The following MPRIP variants were observed in gnomAD, a reference collection of about 807,000 sequenced individuals.
The protein encoded by MPRIP is myosin phosphatase Rho interacting protein, also known as myosin phosphatase Rho-interacting protein.
MPRIP carries 59 observed loss-of-function variants against 234.9 expected under a neutral mutation model. That is an observed-to-expected ratio of 0.25 (90% CI 0.20 to 0.31). The LOEUF is 0.31. Ranked by LOEUF, MPRIP falls within the 10% of genes least tolerant of loss-of-function variation. The pLI, the probability that MPRIP is intolerant of heterozygous loss-of-function variation, is 1.00. For missense variants in MPRIP, 2,436 were observed against 3,071.0 expected (o/e 0.79, Z 4.89); for synonymous variants, 1,144 against 1,263.9 (o/e 0.91, Z 2.01).
rs8066944 is a variant in MPRIP at position 17,159,495 on chromosome 17, G to A, written c.2400+493G>A. ...ATGACAGCTGGGTCCTAGGTCATGAGGATATGAAGCAGAAGACAGTGGTGA... is the reference window on the plus strand; with the variant it reads ...ATGACAGCTGGGTCCTAGGTCATGAAGATATGAAGCAGAAGACAGTGGTGA... On this transcript the variant is annotated intron_variant, in intron 14 of 23. Transcript: ENST00000651222. 1.8e-3 allele frequency among the ~76,000 whole-genome samples: 268 copies of A among 152,340 alleles called. 1 individual carries two copies. Among genetic ancestry groups the A allele is most frequent in the African/African-American group, 6.1e-3 (254 of 41,558 alleles).
At chr17:17,058,604 T>C (rs1349021313) in intron 1 of MPRIP, among the ~76,000 whole-genome samples, 9 of 152,094 alleles carry the variant, frequency 5.9e-5, no homozygotes, top group African/African-American at 2.2e-4. Context: ...GAGAAACAGG[T>C]GTTGCCTCTG....
chr17:17,159,985 A>C (rs1262672595), intron 14 of MPRIP, among the ~76,000 whole-genome samples: 1 of 152,238 alleles, frequency 6.6e-6, no homozygotes, highest in Non-Finnish European at 1.5e-5. Flanking sequence ...ATAACAGTTG[A>C]AACTCACATT....
At position 17,167,351 on chromosome 17, in the gene MPRIP, C is replaced by T. The variant is rs1444721985; in HGVS notation, c.5760C>T (p.Ala1920=). 9.2e-6 allele frequency: 12 copies of T among 1,304,116 alleles called. No homozygotes were observed. The highest frequency in any genetic ancestry group is 1.5e-5 in the African/African-American group (1 of 65,940). 80.8% of individuals were successfully genotyped at this position (1,304,116 alleles called of 1,614,324 possible). The change falls in exon 16 of 24, where the codon GCC becomes GCT. Residue 1920 remains alanine (A), a synonymous_variant. Transcript: ENST00000651222. This position sits in a 1 kb window ranked among gnomAD's most constrained non-coding sequence, Gnocchi z 5.9. ...ERENAELKAK[A]AQLDHQQQCL... The stretch of plus-strand genomic sequence containing the variant: ...AGAATGCAGAGCTCAAGGCCAAGGC[C>T]GCCCAGCTAGACCATCAGCAGCAGT...
At chr17:17,109,085 G>A (rs560185654) in intron 3 of MPRIP, among the ~76,000 whole-genome samples, 80 of 152,246 alleles carry the variant, frequency 5.3e-4, no homozygotes, top group Non-Finnish European at 9.7e-4. Context: ...CCTTACCCTC[G>A]CCACTTTGTT....
chr17:17,185,563 C>G lies in MPRIP; in HGVS notation c.*669C>G, dbSNP rs1372240946. The G allele has an allele frequency of 4.4e-6, 2 of 455,254 alleles. No individual in the cohort carries two copies. The highest frequency in any genetic ancestry group is 4.7e-5 in the Admixed American group (2 of 42,376). 28.2% of individuals were successfully genotyped at this position (455,254 alleles called of 1,614,324 possible). A position where few individuals can be genotyped will look rare whatever the true frequency, so the allele number is the denominator to read the frequency against. On this transcript the variant is annotated 3_prime_UTR_variant, in exon 24 of 24. Coordinates refer to ENST00000651222, the MANE Select transcript of MPRIP (RefSeq NM_001364716.4). ...TTTTTATTAAATCTTGCACAAAATC[C>G]CCGGCCCCTCTCCTTCCTTCCTTCC...
At chr17:17,135,374 C>T (rs1290055434) in intron 5 of MPRIP, among the ~76,000 whole-genome samples, 1 of 152,172 alleles carries the variant, frequency 6.6e-6, no homozygotes. Context: ...TGTGTGTGAG[C>T]TTGTGAGTGT....
intron 3 of MPRIP, among the ~76,000 whole-genome samples, chr17:17,081,242 T>G (rs2089455455): frequency 6.6e-6 from 1 of 152,210 alleles, no homozygotes; most frequent in Non-Finnish European, 1.5e-5. Flanking sequence ...TAGACTGACT[T>G]CTTGTTGTTG....
intron 1 of MPRIP, among the ~76,000 whole-genome samples, chr17:17,075,003 TA>T (rs1022703010): frequency 2.0e-5 from 3 of 152,204 alleles, no homozygotes; most frequent in Admixed American, 6.5e-5. Context: ...TGTGTATACA[TA>T]GGGGTGAAAT....
intron 1 of MPRIP, among the ~76,000 whole-genome samples, chr17:17,063,691 G>A (rs1249781261): frequency 6.6e-6 from 1 of 152,208 alleles, no homozygotes; most frequent in African/African-American, 2.4e-5. Flanking sequence ...CAGGAAACCT[G>A]GGTTAACCAC....
At chr17:17,159,102 A>T in intron 14 of MPRIP, 100 bp downstream of exon 14, 1 of 1,260,400 alleles carries the variant, frequency 7.9e-7, no homozygotes, top group Non-Finnish European at 1.1e-6. Flanking sequence ...AGACAGTCCT[A>T]CCCGCGAGGG....
chr17:17,143,728 G>A, intron 9 of MPRIP, 59 bp downstream of exon 9: 10 of 1,195,520 alleles, frequency 8.4e-6, no homozygotes, highest in Non-Finnish European at 1.2e-5. Context: ...GTCACTCTGA[G>A]GCGCTGTCTG....
chr17:17,149,511 C>T (rs911179890), intron 11 of MPRIP, among the ~76,000 whole-genome samples: 5 of 151,704 alleles, frequency 3.3e-5, no homozygotes, highest in Admixed American at 2.6e-4. Flanking sequence ...AAAAAACTTC[C>T]GTATTGAACA....
chr17:17,117,480 G>T (rs868226028), intron 3 of MPRIP, among the ~76,000 whole-genome samples: 1 of 152,192 alleles, frequency 6.6e-6, no homozygotes, highest in Non-Finnish European at 1.5e-5. Flanking sequence ...TTTGTGACTG[G>T]CTTCATTCAC....
rs1047116019 is a variant in MPRIP at position 17,192,286 on chromosome 17, A to G, written c.*7392A>G. 16 of 152,096 alleles carry G rather than the reference A, an allele frequency of 1.1e-4. No homozygotes were observed. The highest frequency in any genetic ancestry group is 2.1e-4 in the Non-Finnish European group (14 of 68,018). The allele number at this position is 152,096 out of a possible 1,614,324, so 9.4% of individuals were successfully genotyped here. A position where few individuals can be genotyped will look rare whatever the true frequency, so the allele number is the denominator to read the frequency against. Reference sequence around the variant, plus strand: ...ACAGACTAAAAGCTGTGTGCAGAAGAAAGGGCTGAATGAGTACCGCCTCCC... The same window carrying G: ...ACAGACTAAAAGCTGTGTGCAGAAGGAAGGGCTGAATGAGTACCGCCTCCC... On this transcript the variant is annotated 3_prime_UTR_variant, in exon 24 of 24. Coordinates refer to ENST00000651222, the MANE Select transcript of MPRIP (RefSeq NM_001364716.4).
intron 3 of MPRIP, among the ~76,000 whole-genome samples, chr17:17,096,359 A>G (rs2089846028): frequency 6.6e-6 from 1 of 150,448 alleles, no homozygotes; most frequent in Non-Finnish European, 1.5e-5. Context: ...GTCAATGCAC[A>G]TGCCTGCCAG....
At chr17:17,171,023 TAAGA>T (rs1293607075) in intron 16 of MPRIP, 3 of 151,888 alleles carry the variant, frequency 2.0e-5, no homozygotes, top group Non-Finnish European at 4.4e-5. Flanking sequence ...AAGAAAAGAG[TAAGA>T]AAGAAGACAC....
At chr17:17,122,056 C>T (rs1386104861) in intron 3 of MPRIP, among the ~76,000 whole-genome samples, 1 of 152,134 alleles carries the variant, frequency 6.6e-6, no homozygotes, top group Non-Finnish European at 1.5e-5. Context: ...TTTCTCTGGT[C>T]TGTATCATTG....
At chr17:17,114,698 C>T (rs1438214706) in intron 3 of MPRIP, among the ~76,000 whole-genome samples, 1 of 101,426 alleles carries the variant, frequency 9.9e-6, no homozygotes, top group Non-Finnish European at 2.2e-5. Flanking sequence ...ACCTTCTTCC[C>T]ATCTACCCCC....
At chr17:17,173,112 G>A (rs940348302) in intron 18 of MPRIP, among the ~76,000 whole-genome samples, 10 of 152,358 alleles carry the variant, frequency 6.6e-5, no homozygotes, top group Admixed American at 4.6e-4. Flanking sequence ...TGTGTTCTTC[G>A]ACAGCTGCCC....
Sources: gnomAD v4.1 joint callset for allele counts (sites outside exome capture counted in the v4.1 genomes callset) on GRCh38, gnomAD v4.1.1 for gene constraint, Gnocchi (gnomAD v3.1) non-coding constraint, MANE v1.5 for transcripts, NCBI Gene and HGNC (gene_info 2026-07-23, HGNC 2026-07-21) for gene names.